The following WWOX variants were observed in gnomAD, a reference collection of about 807,000 sequenced individuals.
The protein encoded by WWOX is WW domain containing oxidoreductase.
WWOX carries 69 observed loss-of-function variants against 46.2 expected under a neutral mutation model. The observed-to-expected ratio is 1.49, with a 90% CI of 1.23 to 1.82. The LOEUF is 1.82. WWOX is among the 40% of genes most tolerant of loss of function. WWOX has a pLI of 0.00. For missense variants in WWOX, 919 were observed against 542.6 expected, an observed-to-expected ratio of 1.69 and a Z score of -6.89; for synonymous variants, 359 against 202.6, an observed-to-expected ratio of 1.77 and a Z score of -6.56.
rs554988095 is a variant in WWOX, at chr16:79,196,895, C to T, written c.1057-14713C>T. On this transcript the variant is annotated intron_variant, in intron 8 of 8. Coordinates refer to ENST00000566780, the MANE Select transcript of WWOX (RefSeq NM_016373.4). ...GGATCTGAATCCTGGCAATGCATTT[C>T]GGGAGTTCGGTGTCACCCTGAGCAT... Among the ~76,000 whole-genome samples the T allele has an allele frequency of 3.9e-5, 6 of 152,266 alleles. 1 individual carries two copies. The highest frequency in any genetic ancestry group is 6.8e-3 in the Middle Eastern group (2 of 294).
Position 78,960,042 on chromosome 16 carries a change from G to T in WWOX, c.1057-251566G>T, listed in dbSNP as rs118006685. On this transcript the variant is annotated intron_variant, in intron 8 of 8. Transcript: ENST00000566780. Reference sequence around the variant, plus strand: ...GTGCTTTAGGTCTACCAGTTAGTGGGTATTGGTGCATGGTGGGACAGACTA... The same window carrying T: ...GTGCTTTAGGTCTACCAGTTAGTGGTTATTGGTGCATGGTGGGACAGACTA... 1.8e-3 allele frequency among the ~76,000 whole-genome samples: 281 copies of T among 152,310 alleles called. 1 individual carries two copies. Among genetic ancestry groups the T allele is most frequent in the Non-Finnish European group, 3.4e-3 (233 of 68,036 alleles).
chr16:78,994,730 A>G (rs1180179354), intron 8 of WWOX, among the ~76,000 whole-genome samples: 2 of 152,064 alleles, frequency 1.3e-5, no homozygotes, highest in African/African-American at 4.8e-5. Flanking sequence ...ATTTCATCTC[A>G]GTTAATGGCA....
rs2080928169 is a variant in WWOX, at chr16:78,337,813, TCCTA to T, written c.517-49046_517-49043del. 6.9e-5 allele frequency among the ~76,000 whole-genome samples: 4 copies of T among 58,322 alleles called. 1 individual carries two copies. Among genetic ancestry groups the T allele is most frequent in the Non-Finnish European group, 1.1e-4 (2 of 18,778 alleles). The allele number at this position is 58,322 out of a possible 152,430, so 38.3% of individuals were successfully genotyped here. On this transcript the variant is annotated intron_variant, in intron 5 of 8. Transcript: ENST00000566780. ...TCTTGAAGCTAGAGTTTCTTGGCTA[TCCTA>T]TTTCCCTTTTGTTTCCACCATGAAG...
intron 8 of WWOX, among the ~76,000 whole-genome samples, chr16:78,578,941 A>G (rs969812784): frequency 6.6e-6 from 1 of 152,216 alleles, no homozygotes; most frequent in Non-Finnish European, 1.5e-5. Flanking sequence ...TGTTGATATT[A>G]CTTATGAACT....
rs966147280 is a variant in WWOX, at chr16:78,988,428, A to G, written c.1057-223180A>G. On this transcript the variant is annotated intron_variant, in intron 8 of 8. Transcript: ENST00000566780. ...GGGTGGCTGTCACCATCCTTGGCCA[A>G]GGAGAGGGAGCAGATACTGGAGACA... Among the ~76,000 whole-genome samples, 6 of 151,954 alleles carry G rather than the reference A, an allele frequency of 3.9e-5. No homozygotes were observed. In the East Asian group the frequency reaches 1.2e-3, roughly 29 times the overall value.
At chr16:78,490,064 G>C (rs1432426584) in intron 8 of WWOX, among the ~76,000 whole-genome samples, 8 of 151,912 alleles carry the variant, frequency 5.3e-5, no homozygotes, top group Admixed American at 5.2e-4. Context: ...ACTAATATTA[G>C]TTTATTAGAG....
intron 8 of WWOX, among the ~76,000 whole-genome samples, chr16:78,902,498 A>C (rs191692031): frequency 6.6e-6 from 1 of 152,238 alleles, no homozygotes; most frequent in Non-Finnish European, 1.5e-5. Context: ...TCACAATGTC[A>C]GGCATCTTGT....
At chr16:78,787,223 T>G (rs2050479488) in intron 8 of WWOX, among the ~76,000 whole-genome samples, 1 of 152,160 alleles carries the variant, frequency 6.6e-6, no homozygotes, top group Non-Finnish European at 1.5e-5. Flanking sequence ...TTCAGTGACT[T>G]TTAATACGTT....
intron 5 of WWOX, among the ~76,000 whole-genome samples, chr16:78,254,502 G>GGTTTTTTTTT (rs2038072724): frequency 1.1e-5 from 1 of 91,648 alleles, no homozygotes; most frequent in African/African-American, 5.2e-5. Context: ...TTTCTTTCTT[G>GGTTTTTTTTT]TTTTTTTTTT....
At chr16:79,092,317 A>G (rs889070435) in intron 8 of WWOX, among the ~76,000 whole-genome samples, 3 of 152,212 alleles carry the variant, frequency 2.0e-5, no homozygotes, top group African/African-American at 7.2e-5. Flanking sequence ...GGAGCTAGGA[A>G]TCAATCGTGC....
At chr16:79,040,764 G>T (rs2047955808) in intron 8 of WWOX, among the ~76,000 whole-genome samples, 1 of 152,070 alleles carries the variant, frequency 6.6e-6, no homozygotes, top group African/African-American at 2.4e-5. Flanking sequence ...CAGGGAACCT[G>T]ACACTCTTAG....
Position 78,797,178 on chromosome 16 carries a change from C to T in WWOX, c.1056+364426C>T, listed in dbSNP as rs114380031. On this transcript the variant is annotated intron_variant, in intron 8 of 8. Coordinates refer to ENST00000566780, the MANE Select transcript of WWOX (RefSeq NM_016373.4). ...GAAATCGTACCTGCCCTGTCTGCCT[C>T]ATTGGATGTGGAAGAAATGACATAA... Among the ~76,000 whole-genome samples, 770 of 152,034 alleles carry T rather than the reference C, an allele frequency of 5.1e-3. 12 individuals are homozygous for T. Among genetic ancestry groups the T allele is most frequent in the African/African-American group, 0.018 (736 of 41,460 alleles).
chr16:79,062,203 G>A (rs1216866732), intron 8 of WWOX, among the ~76,000 whole-genome samples: 1 of 152,192 alleles, frequency 6.6e-6, no homozygotes, highest in Non-Finnish European at 1.5e-5. Context: ...GGGAAAGCGA[G>A]GAAGAAGCGT....
intron 8 of WWOX, among the ~76,000 whole-genome samples, chr16:79,022,923 G>A (rs1352161489): frequency 6.6e-6 from 1 of 152,150 alleles, no homozygotes; most frequent in Non-Finnish European, 1.5e-5. Context: ...TTACTCAGCT[G>A]AAAAATGCAT....
At chr16:78,450,314 A>G (rs1567580514) in intron 8 of WWOX, among the ~76,000 whole-genome samples, 1 of 152,182 alleles carries the variant, frequency 6.6e-6, no homozygotes, top group Non-Finnish European at 1.5e-5. Flanking sequence ...AGAAAGTGAA[A>G]TATTCTTTAA....
intron 8 of WWOX, among the ~76,000 whole-genome samples, chr16:78,930,381 G>GAT (rs1471495484): frequency 1.3e-5 from 2 of 149,274 alleles, no homozygotes; most frequent in African/African-American, 2.5e-5. Flanking sequence ...GGGCTCAGGC[G>GAT]ATCCTCACAC....
At chr16:79,186,590 T>C (rs1239510476) in intron 8 of WWOX, among the ~76,000 whole-genome samples, 1 of 152,234 alleles carries the variant, frequency 6.6e-6, no homozygotes, top group Non-Finnish European at 1.5e-5. Context: ...TACATGTCTA[T>C]TTCCAAGTAA....
chr16:78,769,614 A>G (rs2050015726), intron 8 of WWOX, among the ~76,000 whole-genome samples: 1 of 148,540 alleles, frequency 6.7e-6, no homozygotes, highest in African/African-American at 2.5e-5. Context: ...ATCAGTCAGG[A>G]TCCAGTTAGG....
intron 5 of WWOX, among the ~76,000 whole-genome samples, chr16:78,333,468 T>C (rs151028541): frequency 2.8e-4 from 43 of 152,314 alleles, no homozygotes; most frequent in African/African-American, 9.9e-4. Context: ...TCTGATGTAA[T>C]ACTTAGTTTA....
Sources: allele counts gnomAD v4.1 joint callset (sites outside exome capture counted in the v4.1 genomes callset), GRCh38; gene constraint gnomAD v4.1.1; transcripts MANE v1.5; gene names NCBI Gene and HGNC (gene_info 2026-07-23, HGNC 2026-07-21).